Variants in PDZD2 observed in about 807,000 individuals in gnomAD.
PDZD2 encodes the protein PDZ domain-containing protein 2.
A neutral mutation model predicts 220.7 loss-of-function variants in PDZD2; 90 were observed. That is an observed-to-expected ratio of 0.41 (90% CI 0.34 to 0.49). The LOEUF (loss-of-function observed/expected upper bound fraction) is 0.49. Among genes scored for constraint, PDZD2 ranks in the 20% least tolerant of loss-of-function variants. The pLI is 0.28. For synonymous variants in PDZD2, 1,375 were observed against 1,450.5 expected, an observed-to-expected ratio of 0.95 and a Z score of 1.18; for missense variants, 3,174 against 3,608.5, an observed-to-expected ratio of 0.88 and a Z score of 3.08.
intron 21 of PDZD2, among the ~76,000 whole-genome samples, chr5:32,093,793 T>A (rs892589965): frequency 3.3e-5 from 5 of 151,850 alleles, no homozygotes; most frequent in African/African-American, 1.2e-4. Flanking sequence ...GCCTGGCCAA[T>A]ATGGTGAAAC....
intron 14 of PDZD2, among the ~76,000 whole-genome samples, chr5:32,068,505 A>C (rs965578942): frequency 1.3e-5 from 2 of 152,176 alleles, no homozygotes; most frequent in African/African-American, 4.8e-5. Context: ...GCCGTATGCT[A>C]ATTTGCATTG....
At chr5:31,654,142 G>A (rs993061179) in intron 1 of PDZD2, among the ~76,000 whole-genome samples, 1 of 152,104 alleles carries the variant, frequency 6.6e-6, no homozygotes, top group Non-Finnish European at 1.5e-5. Context: ...GGTTCTCCAC[G>A]CCAATGCACA....
At chr5:31,909,039 T>A in intron 2 of PDZD2, 1 of 207,662 alleles carries the variant, frequency 4.8e-6, no homozygotes, top group African/African-American at 2.3e-5. Context: ...AGACTCTGTC[T>A]CAAAACAAAC....
chr5:32,105,335 ATT>A (rs1210905063), intron 24 of PDZD2, among the ~76,000 whole-genome samples: 1 of 152,230 alleles, frequency 6.6e-6, no homozygotes, highest in Non-Finnish European at 1.5e-5. Flanking sequence ...ATTATAAATC[ATT>A]CTTTTAATCT....
At chr5:31,783,990 C>T (rs1353362596) in intron 1 of PDZD2, among the ~76,000 whole-genome samples, 1 of 152,208 alleles carries the variant, frequency 6.6e-6, no homozygotes, top group African/African-American at 2.4e-5. Flanking sequence ...GTTCCCTCAT[C>T]TGTGGCACTG....
intron 2 of PDZD2, among the ~76,000 whole-genome samples, chr5:31,849,907 T>TATATATATACACATATATATATACAC (rs1757843078): frequency 2.9e-4 from 7 of 23,870 alleles, no homozygotes; most frequent in Admixed American, 9.6e-4. Context: ...TATATATACA[T>TATATATATACACATATATATATACAC]ATATATATAT....
At chr5:31,949,608 C>T (rs942724088) in intron 2 of PDZD2, among the ~76,000 whole-genome samples, 7 of 151,038 alleles carry the variant, frequency 4.6e-5, no homozygotes, top group African/African-American at 9.7e-5. Flanking sequence ...TTGTGTTCTT[C>T]GGGGTTAAGC....
In PDZD2 at chr5:32,041,802, C is replaced by A. The variant is rs548535652; in HGVS notation, c.1519+4460C>A. Among the ~76,000 whole-genome samples, 46 of 150,682 alleles carry A rather than the reference C, an allele frequency of 3.1e-4. No individual in the cohort carries two copies. The South Asian group carries it at 7.0e-3, about 23-fold the overall frequency. ...CCACTATTATCCTGTGACCCTGCCA[C>A]ATCCCCCTCTCCGAGAAACACCCAA... On this transcript the variant is annotated intron_variant, in intron 7 of 24. Transcript: ENST00000438447.
intron 1 of PDZD2, among the ~76,000 whole-genome samples, chr5:31,758,691 T>C (rs1298222194): frequency 6.6e-6 from 1 of 151,918 alleles, no homozygotes; most frequent in Non-Finnish European, 1.5e-5. Context: ...CTTGGAAGAG[T>C]CCTCCTCCCT....
chr5:31,743,926 A>C (rs1038834357), intron 1 of PDZD2: 4 of 152,158 alleles, frequency 2.6e-5, no homozygotes, highest in Non-Finnish European at 5.9e-5. Context: ...AGAATTCTAG[A>C]CTCAGCTAAT....
chr5:31,643,244 G>A (rs1247458870), intron 1 of PDZD2, among the ~76,000 whole-genome samples: 4 of 152,222 alleles, frequency 2.6e-5, no homozygotes, highest in African/African-American at 4.8e-5. Flanking sequence ...GTTTTTAGCA[G>A]ACTTGCCTGA....
rs1010600125 is a variant in PDZD2, at chr5:32,108,769, GTAATGTA to G, written c.*642_*648del. On this transcript the variant is annotated 3_prime_UTR_variant, in exon 25 of 25. Transcript: ENST00000438447. ...TAATTGAGAGTATTTTTTAGTGAGT[GTAATGTA>G]TAATGTACGTATGCAAAGTTCAACT... The G allele has an allele frequency of 1.3e-5, 2 of 152,776 alleles. No homozygotes were observed. The highest frequency in any genetic ancestry group is 4.8e-5 in the African/African-American group (2 of 41,576). The allele number at this position is 152,776 out of a possible 1,614,324, so 9.5% of individuals were successfully genotyped here. A position where few individuals can be genotyped will look rare whatever the true frequency, so the allele number is the denominator to read the frequency against.
chr5:31,978,083 T>G (rs1448885055), intron 2 of PDZD2, among the ~76,000 whole-genome samples: 1 of 152,168 alleles, frequency 6.6e-6, no homozygotes, highest in Non-Finnish European at 1.5e-5. Context: ...CCTGCAAAGG[T>G]CAAAGTCAAA....
chr5:31,933,784 AG>A (rs957784620), intron 2 of PDZD2, among the ~76,000 whole-genome samples: 2 of 152,178 alleles, frequency 1.3e-5, no homozygotes, highest in African/African-American at 4.8e-5. Context: ...AGTGATCTTC[AG>A]GGTCCCTCCC....
chr5:32,028,861 T>G (rs1278259987), intron 6 of PDZD2, among the ~76,000 whole-genome samples: 1 of 152,070 alleles, frequency 6.6e-6, no homozygotes, highest in Non-Finnish European at 1.5e-5. Flanking sequence ...TTTTGTATTT[T>G]TAGTAGAGAC....
At chr5:31,948,256 C>T (rs931227630) in intron 2 of PDZD2, among the ~76,000 whole-genome samples, 5 of 152,254 alleles carry the variant, frequency 3.3e-5, no homozygotes, top group Non-Finnish European at 7.4e-5. Context: ...CAAGCTGGGA[C>T]ATGTAAGTCA....
chr5:31,894,497 T>C (rs1741356122), intron 2 of PDZD2, among the ~76,000 whole-genome samples: 1 of 152,110 alleles, frequency 6.6e-6, no homozygotes, highest in South Asian at 2.1e-4. Flanking sequence ...ATTGCACTAA[T>C]TTAAGATCAG....
intron 14 of PDZD2, among the ~76,000 whole-genome samples, chr5:32,069,037 G>A (rs1282796169): frequency 6.6e-6 from 1 of 152,132 alleles, no homozygotes; most frequent in Non-Finnish European, 1.5e-5. Context: ...GGGGGCCGAG[G>A]TGGGTGGACC....
rs1744991153 is a variant in PDZD2 at position 32,108,245 on chromosome 5, T to TAAAA, written c.*112_*115dup. The TAAAA allele has an allele frequency of 1.6e-6, 1 of 644,714 alleles. No individual in the cohort carries two copies. Among genetic ancestry groups the TAAAA allele is most frequent in the African/African-American group, 1.9e-5 (1 of 54,050 alleles). The allele number at this position is 644,714 out of a possible 1,614,324, so 39.9% of individuals were successfully genotyped here. A position where few individuals can be genotyped will look rare whatever the true frequency, so the allele number is the denominator to read the frequency against. Reference sequence around the variant, plus strand: ...CCAACACTGGTACAGACACGGACTATAAAAATCTCCAAGCTTGTGCTTACA... The same window carrying TAAAA: ...CCAACACTGGTACAGACACGGACTATAAAAAAAAATCTCCAAGCTTGTGCTTACA... On this transcript the variant is annotated 3_prime_UTR_variant, in exon 25 of 25. Coordinates refer to ENST00000438447, the MANE Select transcript of PDZD2 (RefSeq NM_178140.4).
Sources: gnomAD v4.1 joint callset for allele counts (sites outside exome capture counted in the v4.1 genomes callset) on GRCh38, gnomAD v4.1.1 for gene constraint, MANE v1.5 for transcripts, NCBI Gene and HGNC (gene_info 2026-07-23, HGNC 2026-07-21) for gene names.